Variants in ITGB6 observed in about 807,000 individuals in gnomAD.
ITGB6 encodes the protein integrin beta-6.
In ITGB6, 80 loss-of-function variants were observed where a neutral mutation model predicts 84.5. The observed-to-expected ratio is 0.95, with a 90% CI of 0.79 to 1.14. The LOEUF is 1.14. Among genes scored for constraint, ITGB6 ranks in the 50% most tolerant of loss-of-function variants. The pLI is 0.00. For synonymous variants in ITGB6, 383 were observed against 354.9 expected, an observed-to-expected ratio of 1.08 and a Z score of -0.89; for missense variants, 1,006 against 968.0, an observed-to-expected ratio of 1.04 and a Z score of -0.52.
chr2:160,166,433 T>C (rs1052653998), intron 7 of ITGB6, among the ~76,000 whole-genome samples: 3 of 152,214 alleles, frequency 2.0e-5, no homozygotes, highest in Non-Finnish European at 4.4e-5. Flanking sequence ...TGATTAATAA[T>C]ATGATTCGAC....
At chr2:160,118,362 A>C (rs1682876390) in intron 12 of ITGB6, among the ~76,000 whole-genome samples, 1 of 152,228 alleles carries the variant, frequency 6.6e-6, no homozygotes, top group South Asian at 2.1e-4. Context: ...GATTCAACAT[A>C]TGCAAATCAA....
At chr2:160,131,957 TG>T (rs1415037331) in intron 10 of ITGB6, among the ~76,000 whole-genome samples, 12 of 152,182 alleles carry the variant, frequency 7.9e-5, no homozygotes, top group Admixed American at 7.9e-4. Context: ...CATTTTATAC[TG>T]CCTTAGATCT....
At chr2:160,191,394 CA>C (rs1686136524) in intron 4 of ITGB6, among the ~76,000 whole-genome samples, 1 of 152,100 alleles carries the variant, frequency 6.6e-6, no homozygotes. Flanking sequence ...AAGTGCCAGC[CA>C]ATGAGATGCA....
rs951624193 is a variant in ITGB6, at chr2:160,132,984, G to A, written c.1660+4450C>T. Reference sequence around the variant, plus strand: ...TATAGTAGGTGTTTAATAAATATTTGTGGAATGAGTGAAGGCCCTGAAAGC... The same window carrying A: ...TATAGTAGGTGTTTAATAAATATTTATGGAATGAGTGAAGGCCCTGAAAGC... On this transcript the variant is annotated intron_variant, in intron 10 of 14. Coordinates refer to ENST00000283249, the MANE Select transcript of ITGB6 (RefSeq NM_000888.5). Among the ~76,000 whole-genome samples the A allele has an allele frequency of 2.6e-5, 4 of 152,038 alleles. No homozygotes were observed. The East Asian group carries it at 7.7e-4, about 29-fold the overall frequency.
chr2:160,111,271 G>A (rs1007959699), intron 13 of ITGB6, among the ~76,000 whole-genome samples: 15 of 152,164 alleles, frequency 9.9e-5, no homozygotes, highest in Non-Finnish European at 1.9e-4. Flanking sequence ...TTGATTTCAA[G>A]ATAACTTGCT....
At chr2:160,173,191 T>C (rs1417919841) in intron 5 of ITGB6, among the ~76,000 whole-genome samples, 2 of 152,198 alleles carry the variant, frequency 1.3e-5, no homozygotes, top group Non-Finnish European at 2.9e-5. Flanking sequence ...TTTCCAATGA[T>C]GTCATCCAAA....
intron 11 of ITGB6, among the ~76,000 whole-genome samples, chr2:160,124,373 T>C (rs1263162843): frequency 6.6e-6 from 1 of 152,236 alleles, no homozygotes; most frequent in Non-Finnish European, 1.5e-5. Flanking sequence ...CACTTTTCTG[T>C]AACTCTTTTG....
At chr2:160,119,084 T>G (rs1218339810) in intron 12 of ITGB6, among the ~76,000 whole-genome samples, 2 of 152,150 alleles carry the variant, frequency 1.3e-5, no homozygotes, top group Non-Finnish European at 2.9e-5. Flanking sequence ...AAAATGGCCA[T>G]ACTGTCCAAG....
chr2:160,126,209 T>A (rs184178108), intron 11 of ITGB6, among the ~76,000 whole-genome samples, 170 bp downstream of exon 11: 284 of 152,320 alleles, frequency 1.9e-3, no homozygotes, highest in Non-Finnish European at 2.9e-3. Flanking sequence ...GAGAGATTGA[T>A]GTTCCAGGCT....
At position 160,200,035 on chromosome 2, in the gene ITGB6, A is replaced by C; in HGVS notation, c.29T>G (p.Phe10Cys). 1 of 1,613,930 alleles carries C rather than the reference A, an allele frequency of 6.2e-7. No individual in the cohort carries two copies. Among genetic ancestry groups the C allele is most frequent in the Non-Finnish European group, 8.5e-7 (1 of 1,179,848 alleles). ...GTGATCATTCCTTCCTAGAAATAGA[A>C]AGAACAGGCAAAGCAGTTCAATCCC... is the stretch of plus-strand genomic sequence containing the variant. Reference protein sequence around the residue: MGIELLCLFFLFLGRNDHVQ... With the variant: MGIELLCLFCLFLGRNDHVQ... The change falls in exon 1 of 15, where the codon TTT (phenylalanine) becomes TGT (cysteine). Residue 10 changes from phenylalanine to cysteine, a missense_variant. Physicochemically the swap from Phe to Cys is radical, Grantham distance 205 (BLOSUM62 -2). Coordinates refer to ENST00000283249, the MANE Select transcript of ITGB6 (RefSeq NM_000888.5).
intron 12 of ITGB6, among the ~76,000 whole-genome samples, chr2:160,121,824 CAT>C (rs78411121): frequency 0.036 from 5,311 of 148,174 alleles, 339 homozygotes; most frequent in East Asian, 0.26. Flanking sequence ...AGGTTAATAA[CAT>C]GTTTTTGATA....
intron 4 of ITGB6, among the ~76,000 whole-genome samples, chr2:160,194,829 G>T (rs948782030): frequency 6.6e-6 from 1 of 152,026 alleles, no homozygotes; most frequent in African/African-American, 2.4e-5. Flanking sequence ...ATTGCCTATG[G>T]AGTGATTTAC....
At position 160,137,646 on chromosome 2, in the gene ITGB6, G is replaced by A; in HGVS notation, c.1448C>T (p.Pro483Leu). 2 of 1,614,210 alleles carry A rather than the reference G, an allele frequency of 1.2e-6. No individual in the cohort carries two copies. The highest frequency in any genetic ancestry group is 4.5e-5 in the East Asian group (2 of 44,872). The change falls in exon 10 of 15, where the codon CCT becomes CTT. Residue 483 changes from proline to leucine, a missense_variant. By Grantham distance (98) the Pro-to-Leu change is moderately conservative (BLOSUM62 -3). Coordinates refer to ENST00000283249, the MANE Select transcript of ITGB6 (RefSeq NM_000888.5). ...SFQCGVCACH[P>L]GHMGPRCECG... ...CTCACAGCGAGGCCCCATGTGGCCA[G>A]GGTGGCAGGCACACACCCCACACTG...
chr2:160,187,504 CT>C (rs1685951334), intron 4 of ITGB6, among the ~76,000 whole-genome samples: 2 of 152,168 alleles, frequency 1.3e-5, no homozygotes, highest in South Asian at 4.1e-4. Context: ...CTATTATATG[CT>C]TCTTCCTTTC....
chr2:160,110,234 T>G (rs1207615056), intron 13 of ITGB6, among the ~76,000 whole-genome samples: 1 of 152,096 alleles, frequency 6.6e-6, no homozygotes. Flanking sequence ...ACCTAGAAAA[T>G]TATTTAATGT....
chr2:160,137,508 T>A lies in ITGB6; in HGVS notation c.1586A>T (p.Tyr529Phe). Residue 529 changes from tyrosine (Y) to phenylalanine (F), a missense_variant, in exon 10 of 15, where the codon TAT (tyrosine) becomes TTT (phenylalanine). Tyr to Phe is a conservative substitution (Grantham distance 22). Transcript: ENST00000283249. ...CGQCICHLSP[Y>F]GNIYGPYCQC... ...GCAATAAGGCCCATAAATGTTTCCA[T>A]AGGGAGACAAGTGGCAGATACACTG... The A allele has an allele frequency of 6.2e-7, 1 of 1,614,188 alleles. No homozygotes were observed. Among genetic ancestry groups the A allele is most frequent in the Non-Finnish European group, 8.5e-7 (1 of 1,180,010 alleles).
chr2:160,197,833 T>G (rs911970260), intron 2 of ITGB6, among the ~76,000 whole-genome samples: 5 of 152,234 alleles, frequency 3.3e-5, no homozygotes, highest in Non-Finnish European at 7.3e-5. Flanking sequence ...AGAGGTGGTG[T>G]TAACCACATG....
At chr2:160,136,957 T>C (rs34955537) in intron 10 of ITGB6, among the ~76,000 whole-genome samples, 100,454 of 150,212 alleles carry the variant, frequency 0.67, 33,953 homozygotes, top group Admixed American at 0.74. Context: ...TGTTAAATGA[T>C]GAGTTAATGG....
At chr2:160,196,821 C>A (rs1686361406) in intron 2 of ITGB6, among the ~76,000 whole-genome samples, 2 of 151,982 alleles carry the variant, frequency 1.3e-5, no homozygotes, top group South Asian at 4.1e-4. Context: ...CTCAGGGTGA[C>A]CTGTAGGTTT....
Sources: gnomAD v4.1 joint callset for allele counts (sites outside exome capture counted in the v4.1 genomes callset) on GRCh38, gnomAD v4.1.1 for gene constraint, MANE v1.5 for transcripts, NCBI Gene and HGNC (gene_info 2026-07-23, HGNC 2026-07-21) for gene names.